The following XPOT variants were observed in gnomAD, a reference collection of about 807,000 sequenced individuals.
XPOT encodes exportin for tRNA.
XPOT carries 34 observed loss-of-function variants against 128.2 expected under a neutral mutation model. That is an observed-to-expected ratio of 0.27 (90% CI 0.20 to 0.35). The LOEUF (loss-of-function observed/expected upper bound fraction) is 0.35. XPOT is among the 10% of genes least tolerant of loss of function. The pLI is 1.00. For missense variants in XPOT, 838 were observed against 1,125.3 expected (o/e 0.74, Z 3.65); for synonymous variants, 348 against 394.3 (o/e 0.88, Z 1.39).
intron 18 of XPOT, 83 bp from the exon 19 acceptor site, chr12:64,433,331 A>G: frequency 7.6e-7 from 1 of 1,321,328 alleles, no homozygotes; most frequent in Non-Finnish European, 1.0e-6. Flanking sequence ...AATAGAAAAG[A>G]AAGGCTTTAT....
intron 10 of XPOT, 35 bp from the exon 11 acceptor site, chr12:64,423,147 G>T: frequency 1.3e-6 from 2 of 1,593,412 alleles, no homozygotes; most frequent in South Asian, 2.3e-5. Context: ...GAAGGAGACT[G>T]ACAAAAACTC....
intron 24 of XPOT, among the ~76,000 whole-genome samples, chr12:64,446,930 GAC>G (rs1346950171): frequency 6.6e-6 from 1 of 152,156 alleles, no homozygotes; most frequent in Non-Finnish European, 1.5e-5. Context: ...TGCTGATAAA[GAC>G]ATACCCGAGA....
At chr12:64,422,523 C>G (rs1472941940) in intron 9 of XPOT, among the ~76,000 whole-genome samples, 1 of 152,098 alleles carries the variant, frequency 6.6e-6, no homozygotes, top group African/African-American at 2.4e-5. Context: ...ATTACTTGAT[C>G]TTAGGTTAGG....
chr12:64,443,834 T>A (rs2040346581), intron 23 of XPOT, among the ~76,000 whole-genome samples: 1 of 152,198 alleles, frequency 6.6e-6, no homozygotes, highest in Non-Finnish European at 1.5e-5. Context: ...AAAATGAATT[T>A]AACTCATTTT....
intron 23 of XPOT, chr12:64,443,344 A>G (rs2040342206): frequency 6.6e-6 from 1 of 152,228 alleles, no homozygotes; most frequent in African/African-American, 2.4e-5. Flanking sequence ...CACCAAAGAG[A>G]GGTAAGAGAA....
chr12:64,408,335 T>G (rs1315941690), intron 1 of XPOT, among the ~76,000 whole-genome samples: 1 of 152,202 alleles, frequency 6.6e-6, no homozygotes, highest in Non-Finnish European at 1.5e-5. Flanking sequence ...CTTGAACTCC[T>G]GACCTCAAGT....
intron 3 of XPOT, 98 bp downstream of exon 3, chr12:64,415,087 T>C: frequency 1.3e-6 from 1 of 792,368 alleles, no homozygotes; most frequent in African/African-American, 1.7e-5. Context: ...CATAAAAACA[T>C]TTTATGACTT....
chr12:64,419,650 G>A (rs192048754), intron 6 of XPOT, among the ~76,000 whole-genome samples: 3 of 152,116 alleles, frequency 2.0e-5, no homozygotes, highest in East Asian at 1.9e-4. Context: ...TGACATACAC[G>A]AGTTGATTTT....
chr12:64,425,297 C>CA (rs1565799021), intron 13 of XPOT, 41 bp from the exon 14 acceptor site: 1 of 1,609,728 alleles, frequency 6.2e-7, no homozygotes, highest in Non-Finnish European at 8.5e-7. Context: ...TTTGATGTTG[C>CA]AATAAATAAG....
intron 1 of XPOT, chr12:64,409,539 T>C (rs1397687162): frequency 6.5e-6 from 1 of 152,902 alleles, no homozygotes; most frequent in Admixed American, 6.5e-5. Context: ...ATCAAGACCA[T>C]CCTGGCTAAC....
chr12:64,417,453 C>A (rs2040097937), intron 4 of XPOT, among the ~76,000 whole-genome samples: 1 of 151,738 alleles, frequency 6.6e-6, no homozygotes, highest in Non-Finnish European at 1.5e-5. Flanking sequence ...GAAGCTGAGG[C>A]CAGGAGGTTG....
rs745626861 is a variant in XPOT at position 64,425,883 on chromosome 12, G to C, written c.1641G>C (p.Leu547=). ...SAKVRSRTAY[L]FSRFVKSLNK... Reference sequence around the variant, plus strand: ...AAGTTCGGAGCAGGACGGCTTACCTGTTTTCTAGATTTGTCAAATCTCTCA... The same window carrying C: ...AAGTTCGGAGCAGGACGGCTTACCTCTTTTCTAGATTTGTCAAATCTCTCA... The change falls in exon 15 of 25, where the codon CTG becomes CTC. Residue 547 remains leucine (L), a synonymous_variant. Transcript: ENST00000332707. The C allele has an allele frequency of 4.3e-6, 7 of 1,613,968 alleles. No homozygotes were observed. The highest frequency in any genetic ancestry group is 2.7e-5 in the African/African-American group (2 of 74,900).
intron 19 of XPOT, 148 bp from the exon 20 acceptor site, chr12:64,434,359 C>A: frequency 1.7e-6 from 1 of 585,546 alleles, no homozygotes; most frequent in Non-Finnish European, 3.1e-6. Flanking sequence ...GGGATTTTGG[C>A]AATTCTGTAA....
At chr12:64,412,943 GCCCTCTCTAGGAACACCA>G (rs969445826) in intron 2 of XPOT, among the ~76,000 whole-genome samples, 35 of 152,260 alleles carry the variant, frequency 2.3e-4, no homozygotes, top group South Asian at 1.5e-3. Context: ...GAGCTCTTGT[GCCCTCTCTAGGAACACCA>G]CCCTCTCTAG....
chr12:64,448,345 T>C lies in XPOT; in HGVS notation c.*214T>C, dbSNP rs2040381855. 7.3e-6 allele frequency: 4 copies of C among 545,532 alleles called. No homozygotes were observed. Among genetic ancestry groups the C allele is most frequent in the Non-Finnish European group, 1.3e-5 (4 of 305,878 alleles). The allele number at this position is 545,532 out of a possible 1,614,324, so 33.8% of individuals were successfully genotyped here. ...GCCTGCATGCCGGTCCAAATTGTTC[T>C]GTATAAAGATGCTCTTAAAAGACAC... is the stretch of plus-strand genomic sequence containing the variant. On this transcript the variant is annotated 3_prime_UTR_variant, in exon 25 of 25. Coordinates refer to ENST00000332707, the MANE Select transcript of XPOT (RefSeq NM_007235.6).
chr12:64,425,217 T>A, intron 13 of XPOT, 35 bp downstream of exon 13: 1 of 1,613,090 alleles, frequency 6.2e-7, no homozygotes, highest in Non-Finnish European at 8.5e-7. Context: ...ACCATAAATT[T>A]CTGTTTTCAG....
At position 64,420,460 on chromosome 12, in the gene XPOT, T is replaced by A. The variant is rs1199604767; in HGVS notation, c.782T>A (p.Met261Lys). The A allele has an allele frequency of 1.2e-6, 2 of 1,613,768 alleles. No homozygotes were observed. Among genetic ancestry groups the A allele is most frequent in the African/African-American group, 2.7e-5 (2 of 74,904 alleles). ...VNKGMDPVDK[M>K]KLVESLCQVL... Reference sequence around the variant, plus strand: ...AAAGGAATGGACCCTGTTGATAAAATGAAACTAGTGGAATCTTTGTGTCAA... The same window carrying A: ...AAAGGAATGGACCCTGTTGATAAAAAGAAACTAGTGGAATCTTTGTGTCAA... The change falls in exon 8 of 25, where the codon ATG becomes AAG. Residue 261 changes from methionine (M) to lysine (K), a missense_variant. This residue lies in a region of XPOT where 761 missense variants were observed against 988.3 expected (regional missense o/e 0.77). Coordinates refer to ENST00000332707, the MANE Select transcript of XPOT (RefSeq NM_007235.6).
chr12:64,438,794 A>AT (rs1164433082), intron 22 of XPOT, among the ~76,000 whole-genome samples: 3 of 151,842 alleles, frequency 2.0e-5, no homozygotes, highest in Admixed American at 6.6e-5. Flanking sequence ...TGCCCAGCTA[A>AT]TTTTTTTGTA....
At chr12:64,412,354 C>G (rs1416473861) in intron 2 of XPOT, among the ~76,000 whole-genome samples, 5 of 152,084 alleles carry the variant, frequency 3.3e-5, no homozygotes, top group African/African-American at 1.2e-4. Flanking sequence ...AAACACTCGT[C>G]TTTGGCTTAA....
Sources: gnomAD v4.1 joint callset for allele counts (sites outside exome capture counted in the v4.1 genomes callset) on GRCh38, gnomAD v4.1.1 for gene constraint, gnomAD v4.1.1 regional missense constraint, MANE v1.5 for transcripts, NCBI Gene and HGNC (gene_info 2026-07-23, HGNC 2026-07-21) for gene names.